PITPNC1: variants seen among roughly 807,000 people sequenced by gnomAD.
PITPNC1 encodes cytoplasmic phosphatidylinositol transfer protein 1.
Under a neutral mutation model 44.7 loss-of-function variants are expected in PITPNC1, and 18 were observed. The ratio of observed to expected loss-of-function variants is 0.40; its 90% CI spans 0.28 to 0.60. The LOEUF (loss-of-function observed/expected upper bound fraction) is 0.60. PITPNC1 is among the 20% of genes least tolerant of loss of function. The pLI, the probability that PITPNC1 is intolerant of heterozygous loss-of-function variation, is 0.39. For synonymous variants in PITPNC1, 141 were observed against 149.6 expected, an observed-to-expected ratio of 0.94 and a Z score of 0.42; for missense variants, 290 against 418.4, an observed-to-expected ratio of 0.69 and a Z score of 2.68.
intron 6 of PITPNC1, among the ~76,000 whole-genome samples, chr17:67,650,746 T>C (rs55987730): frequency 2.0e-5 from 3 of 152,094 alleles, no homozygotes; most frequent in South Asian, 2.1e-4. Flanking sequence ...CCACGGCGCC[T>C]GGCCAAAACC....
intron 5 of PITPNC1, among the ~76,000 whole-genome samples, chr17:67,606,812 GAGAA>G (rs1453630041): frequency 1.3e-4 from 19 of 151,838 alleles, no homozygotes; most frequent in Admixed American, 1.2e-3. Context: ...AAAAGGGAGA[GAGAA>G]AGAAATAAAA....
intron 1 of PITPNC1, among the ~76,000 whole-genome samples, chr17:67,420,645 T>C: frequency 6.6e-6 from 1 of 152,134 alleles, no homozygotes; most frequent in African/African-American, 2.4e-5. Context: ...TTGGCCAGGC[T>C]GGTCTTGAAC....
At chr17:67,404,348 A>G (rs1377285550) in intron 1 of PITPNC1, among the ~76,000 whole-genome samples, 1 of 152,256 alleles carries the variant, frequency 6.6e-6, no homozygotes, top group Non-Finnish European at 1.5e-5. Context: ...CCTTCAAGCT[A>G]TTATAAATCT....
intron 1 of PITPNC1, among the ~76,000 whole-genome samples, chr17:67,443,169 C>G (rs2039040479): frequency 6.6e-6 from 1 of 152,076 alleles, no homozygotes; most frequent in African/African-American, 2.4e-5. Flanking sequence ...CTGTCTGGCC[C>G]TGTTCCCACC....
chr17:67,565,975 G>A (rs1483879347), intron 4 of PITPNC1, among the ~76,000 whole-genome samples: 3 of 151,510 alleles, frequency 2.0e-5, no homozygotes, highest in Admixed American at 6.6e-5. Context: ...GTGGATACTA[G>A]TCTACTTTCT....
intron 5 of PITPNC1, among the ~76,000 whole-genome samples, chr17:67,587,893 C>T (rs1003135283): frequency 4.4e-4 from 67 of 152,308 alleles, no homozygotes; most frequent in African/African-American, 1.6e-3. Context: ...TTCCTGACTA[C>T]AAGTAGCTTC....
Position 67,692,452 on chromosome 17 carries a change from C to T in PITPNC1, c.683-120C>T, listed in dbSNP as rs541261268. 103 of 699,590 alleles carry T rather than the reference C, an allele frequency of 1.5e-4. 1 individual carries two copies. In the East Asian group the frequency reaches 1.9e-3, roughly 13 times the overall value. 43.3% of individuals were successfully genotyped at this position (699,590 alleles called of 1,614,324 possible). A position where few individuals can be genotyped will look rare whatever the true frequency, so the allele number is the denominator to read the frequency against. ...TTCAATGATACTTTGGGTGTATAAT[C>T]GGGAGAGGCCCCTTTATGATAGGGT... On this transcript the variant is annotated intron_variant, in intron 8 of 8. Transcript: ENST00000581322.
rs114427321 is a variant in PITPNC1 at position 67,658,560 on chromosome 17, A to T, written c.463-10948A>T. Among the ~76,000 whole-genome samples the T allele has an allele frequency of 3.6e-3, 544 of 151,244 alleles. 5 individuals carry two copies. The highest frequency in any genetic ancestry group is 0.013 in the African/African-American group (518 of 41,176). On this transcript the variant is annotated intron_variant, in intron 6 of 8. Transcript: ENST00000581322. ...TCGCATAATAAATTATACTCCACTC[A>T]CTCTCTGGTGTCTGCATGCCTAATT...
chr17:67,655,558 CAAAAAAAAAAAA>C (rs796111267), intron 6 of PITPNC1, among the ~76,000 whole-genome samples: 3 of 42,076 alleles, frequency 7.1e-5, no homozygotes, highest in Admixed American at 2.2e-4. Context: ...AGACTCATCT[CAAAAAAAAAAAA>C]AAAAAAAAAA....
intron 5 of PITPNC1, among the ~76,000 whole-genome samples, chr17:67,608,267 A>C (rs2041638102): frequency 6.9e-6 from 1 of 144,762 alleles, no homozygotes; most frequent in Non-Finnish European, 1.5e-5. Context: ...CAAAAAAAAA[A>C]AACCACTTCC....
intron 5 of PITPNC1, among the ~76,000 whole-genome samples, chr17:67,583,417 G>A (rs151334783): frequency 0.016 from 2,490 of 151,744 alleles, 33 homozygotes; most frequent in South Asian, 0.047. Context: ...GTGAAACCTC[G>A]TCTCTACTAA....
intron 6 of PITPNC1, among the ~76,000 whole-genome samples, chr17:67,661,329 T>C (rs2042344147): frequency 6.6e-6 from 1 of 152,112 alleles, no homozygotes; most frequent in Non-Finnish European, 1.5e-5. Flanking sequence ...TCCCTTCAGA[T>C]ACTTATTATT....
chr17:67,416,938 G>A (rs949003793), intron 1 of PITPNC1, among the ~76,000 whole-genome samples: 12 of 150,728 alleles, frequency 8.0e-5, no homozygotes, highest in East Asian at 6.0e-4. Flanking sequence ...TCAGCCTCCC[G>A]AGTAGCTGGG....
intron 5 of PITPNC1, among the ~76,000 whole-genome samples, chr17:67,624,213 T>C (rs1254965973): frequency 1.4e-5 from 1 of 71,184 alleles, no homozygotes; most frequent in African/African-American, 5.7e-5. Context: ...TTCTTTCTTT[T>C]CTTTTTTTTT....
rs753960326 is a variant in PITPNC1, at chr17:67,420,182, C to G, written c.48+41980C>G. Among the ~76,000 whole-genome samples the G allele has an allele frequency of 2.8e-4, 42 of 152,230 alleles. 1 individual carries two copies. The highest frequency in any genetic ancestry group is 6.2e-4 in the South Asian group (3 of 4,820). The stretch of plus-strand genomic sequence containing the variant: ...CAGTGATTAGTGAGTCTTTTCATGA[C>G]AAGTTTTGTATTAATTATGATTTGA... On this transcript the variant is annotated intron_variant, in intron 1 of 8. Coordinates refer to ENST00000581322, the MANE Select transcript of PITPNC1 (RefSeq NM_012417.4).
chr17:67,549,345 CT>C (rs1458442356), intron 2 of PITPNC1, among the ~76,000 whole-genome samples: 2 of 152,134 alleles, frequency 1.3e-5, no homozygotes, highest in African/African-American at 4.8e-5. Context: ...CCACTGCACT[CT>C]CGTGTGGGGA....
At chr17:67,595,868 C>T (rs1027871844) in intron 5 of PITPNC1, among the ~76,000 whole-genome samples, 1 of 152,138 alleles carries the variant, frequency 6.6e-6, no homozygotes, top group Non-Finnish European at 1.5e-5. Flanking sequence ...CCTGTAAAGA[C>T]ATGGTCATAA....
intron 2 of PITPNC1, among the ~76,000 whole-genome samples, chr17:67,550,801 C>A (rs1457897294): frequency 6.6e-6 from 1 of 152,208 alleles, no homozygotes; most frequent in African/African-American, 2.4e-5. Context: ...GTCGCTCACA[C>A]CTGTAATCCC....
intron 1 of PITPNC1, among the ~76,000 whole-genome samples, chr17:67,458,132 T>C (rs1292674842): frequency 1.3e-5 from 2 of 152,174 alleles, no homozygotes; most frequent in African/African-American, 2.4e-5. Flanking sequence ...TCCTACCCAG[T>C]ACTCCTTTCT....
Sources: allele counts gnomAD v4.1 joint callset (sites outside exome capture counted in the v4.1 genomes callset), GRCh38; gene constraint gnomAD v4.1.1; transcripts MANE v1.5; gene names NCBI Gene and HGNC (gene_info 2026-07-23, HGNC 2026-07-21).